Variants in PVT1 observed in about 807,000 individuals in gnomAD.
The protein encoded by PVT1 is Pvt1 oncogene, also known as CXCR4/PVT1 fusion.
chr8:127,877,273 A>G (rs765202571), intron 2 of PVT1, among the ~76,000 whole-genome samples: 4 of 152,232 alleles, frequency 2.6e-5, no homozygotes, highest in Non-Finnish European at 4.4e-5. Context: ...CTTCAGCCAC[A>G]CAAACTGGGC....
At chr8:127,899,460 C>A (rs780096541) in intron 3 of PVT1, among the ~76,000 whole-genome samples, 5 of 152,210 alleles carry the variant, frequency 3.3e-5, no homozygotes, top group Non-Finnish European at 7.3e-5. Context: ...CTTGGGACTT[C>A]TGTGAGTCTC....
chr8:127,797,578 C>T (rs1031409910), intron 2 of PVT1, among the ~76,000 whole-genome samples: 3 of 152,086 alleles, frequency 2.0e-5, no homozygotes, highest in Non-Finnish European at 4.4e-5. Flanking sequence ...TGGCAGGAGC[C>T]CCCTTTGTCT....
chr8:127,879,129 G>C (rs1445964506), intron 2 of PVT1, among the ~76,000 whole-genome samples: 1 of 152,238 alleles, frequency 6.6e-6, no homozygotes, highest in African/African-American at 2.4e-5. Context: ...TCCCAGCAAA[G>C]TGCCATTCCC....
At chr8:127,960,719 T>C (rs1173625765) in intron 3 of PVT1, 3 of 510,440 alleles carry the variant, frequency 5.9e-6, no homozygotes, top group Non-Finnish European at 1.2e-5. Flanking sequence ...ACACAAAAAC[T>C]GAGGCATAGA....
At chr8:128,014,407 T>C (rs10956406) in intron 4 of PVT1, among the ~76,000 whole-genome samples, 127,517 of 152,244 alleles carry the variant, frequency 0.84, 53,573 homozygotes, top group East Asian at 0.89. Flanking sequence ...TATTTTGCGA[T>C]ATCTTCAGAC....
intron 3 of PVT1, among the ~76,000 whole-genome samples, chr8:127,942,921 T>C (rs1234706345): frequency 6.6e-6 from 1 of 152,210 alleles, no homozygotes; most frequent in Non-Finnish European, 1.5e-5. Flanking sequence ...CTGTGATTAT[T>C]ATTCCTTAGG....
At chr8:127,801,317 C>T (rs1051478017) in intron 2 of PVT1, among the ~76,000 whole-genome samples, 6 of 152,132 alleles carry the variant, frequency 3.9e-5, no homozygotes, top group African/African-American at 1.4e-4. Context: ...TCTTGGTTCA[C>T]TGCAACCTCT....
At chr8:127,962,848 G>A (rs145534320) in intron 3 of PVT1, among the ~76,000 whole-genome samples, 9,413 of 152,036 alleles carry the variant, frequency 0.062, 648 homozygotes, top group African/African-American at 0.17. Context: ...CGCCCACCTC[G>A]GCCTCCCAAA....
chr8:127,942,707 C>T (rs1816367095), intron 3 of PVT1, among the ~76,000 whole-genome samples: 1 of 152,160 alleles, frequency 6.6e-6, no homozygotes, highest in Non-Finnish European at 1.5e-5. Context: ...CAGCTGGTGC[C>T]TCATTTTGCT....
chr8:127,886,101 A>T (rs1815519547), intron 2 of PVT1, among the ~76,000 whole-genome samples: 1 of 152,172 alleles, frequency 6.6e-6, no homozygotes, highest in African/African-American at 2.4e-5. Context: ...TGTCTCAAGG[A>T]AAAAATAAAT....
chr8:127,862,597 A>AT (rs1474774929), intron 2 of PVT1, among the ~76,000 whole-genome samples: 1 of 151,822 alleles, frequency 6.6e-6, no homozygotes, highest in East Asian at 1.9e-4. Context: ...ATTTTAAAAT[A>AT]TTTTTTGTAC....
intron 4 of PVT1, among the ~76,000 whole-genome samples, chr8:128,061,664 A>T (rs1813831872): frequency 6.6e-6 from 1 of 152,202 alleles, no homozygotes; most frequent in South Asian, 2.1e-4. Flanking sequence ...TTTATCTTTA[A>T]ACACAGAACG....
chr8:128,073,347 C>T lies in PVT1; in HGVS notation n.1114+2986C>T, dbSNP rs76201335. 7.1e-3 allele frequency among the ~76,000 whole-genome samples: 1,083 copies of T among 152,218 alleles called. 31 individuals carry two copies. Among genetic ancestry groups the T allele is most frequent in the East Asian group, 0.071 (367 of 5,186 alleles). On this transcript the variant is annotated intron_variant and non_coding_transcript_variant, in intron 5 of 10. Coordinates refer to ENST00000651587, the Ensembl canonical transcript of PVT1. The stretch of plus-strand genomic sequence containing the variant: ...GTTTTTTAATTTAACTGACCCCGTT[C>T]TCCCTCCTTTTCTCCCTCCATCCCT...
intron 4 of PVT1, among the ~76,000 whole-genome samples, chr8:128,001,946 T>C (rs1817182224): frequency 6.6e-6 from 1 of 152,112 alleles, no homozygotes; most frequent in Admixed American, 6.5e-5. Context: ...CCAAATCCCA[T>C]CACCTTGAGG....
At chr8:128,055,485 C>A (rs1026435154) in intron 4 of PVT1, among the ~76,000 whole-genome samples, 2 of 152,204 alleles carry the variant, frequency 1.3e-5, no homozygotes, top group African/African-American at 4.8e-5. Context: ...CACTGCCTGG[C>A]CTAGTGCTCA....
intron 2 of PVT1, among the ~76,000 whole-genome samples, chr8:127,850,406 C>T (rs1815095304): frequency 6.6e-6 from 1 of 152,098 alleles, no homozygotes; most frequent in East Asian, 1.9e-4. Context: ...CTGTTGGGGG[C>T]ACATGTTTGC....
intron 2 of PVT1, among the ~76,000 whole-genome samples, chr8:127,829,608 A>T (rs1187325841): frequency 6.6e-6 from 1 of 152,218 alleles, no homozygotes; most frequent in Non-Finnish European, 1.5e-5. Flanking sequence ...AATGAGTTTT[A>T]CATTTCAGCT....
chr8:127,798,187 C>G (rs549047288), intron 2 of PVT1, among the ~76,000 whole-genome samples: 1 of 151,906 alleles, frequency 6.6e-6, no homozygotes, highest in African/African-American at 2.4e-5. Flanking sequence ...ACTTGTAATT[C>G]CAGCTACTTG....
At chr8:127,886,208 A>C (rs1472853986) in intron 2 of PVT1, among the ~76,000 whole-genome samples, 3 of 152,166 alleles carry the variant, frequency 2.0e-5, no homozygotes, top group Non-Finnish European at 4.4e-5. Context: ...GATTTTAAGA[A>C]ATTAGAACCA....
Sources: gnomAD v4.1 joint callset for allele counts (sites outside exome capture counted in the v4.1 genomes callset) on GRCh38, gnomAD v4.1.1 for gene constraint, MANE v1.5 for transcripts, NCBI Gene and HGNC (gene_info 2026-07-23, HGNC 2026-07-21) for gene names.